Variants in ITSN2 observed in about 807,000 individuals in gnomAD.
The protein encoded by ITSN2 is intersectin 2.
A neutral mutation model predicts 243.7 loss-of-function variants in ITSN2; 156 were observed. That is an observed-to-expected ratio of 0.64 (90% CI 0.56 to 0.73). The LOEUF (loss-of-function observed/expected upper bound fraction) is 0.73, where lower values mean the gene tolerates loss of function less well. ITSN2 is among the 30% of genes least tolerant of loss of function. The probability of loss-of-function intolerance (pLI) is 0.00; values close to 1 mark genes in which losing one functional copy is unlikely to be tolerated. For missense variants in ITSN2, 1,801 were observed against 1,996.1 expected, an observed-to-expected ratio of 0.90 and a Z score of 1.86; for synonymous variants, 703 against 699.9, an observed-to-expected ratio of 1.00 and a Z score of -0.07.
Position 24,257,879 on chromosome 2 carries a change from G to A in ITSN2, c.2888+9C>T. The A allele has an allele frequency of 6.2e-7, 1 of 1,602,734 alleles. No homozygotes were observed. The highest frequency in any genetic ancestry group is 8.5e-7 in the Non-Finnish European group (1 of 1,169,806). On this transcript the variant is annotated intron_variant, in intron 23 of 39. Coordinates refer to ENST00000355123, the MANE Select transcript of ITSN2 (RefSeq NM_006277.3). ...TCCACATCTCATGAAAACACATAAA[G>A]ATGCTTACTCTTCCCGTTTTACTTC...
intron 2 of ITSN2, among the ~76,000 whole-genome samples, chr2:24,319,127 G>T (rs532219798): frequency 6.6e-6 from 1 of 152,314 alleles, no homozygotes; most frequent in Non-Finnish European, 1.5e-5. Context: ...TGCCAAAAAG[G>T]TTGGGGACCA....
intron 8 of ITSN2, among the ~76,000 whole-genome samples, chr2:24,306,537 A>G (rs1250023803): frequency 1.3e-5 from 2 of 152,180 alleles, no homozygotes; most frequent in Admixed American, 1.3e-4. Flanking sequence ...TCAGCAGTTC[A>G]TTTGGTTTTA....
Position 24,312,235 on chromosome 2 carries a change from G to A in ITSN2, c.329C>T (p.Ser110Phe). The A allele has an allele frequency of 6.2e-7, 1 of 1,610,180 alleles. No individual in the cohort carries two copies. Among genetic ancestry groups the A allele is most frequent in the Non-Finnish European group, 8.5e-7 (1 of 1,177,974 alleles). The change falls in exon 5 of 40, where the codon TCT becomes TTT. Residue 110 changes from serine to phenylalanine, a missense_variant. Transcript: ENST00000355123. The part of the protein sequence containing the change: ...PPIMKQPPMF[S>F]PLISARFGMG... ...ACCAAAACGAGCAGAAATTAATGGA[G>A]AAAACATAGGGGGTTGCTTCATAAT...
At chr2:24,330,729 A>AT (rs1292268752) in intron 1 of ITSN2, 1 of 593,342 alleles carries the variant, frequency 1.7e-6, no homozygotes, top group Non-Finnish European at 3.1e-6. Flanking sequence ...TTGAAATACT[A>AT]TTTTTTATCA....
intron 1 of ITSN2, chr2:24,334,826 G>C: frequency 1.1e-6 from 1 of 902,520 alleles, no homozygotes; most frequent in South Asian, 1.4e-5. Flanking sequence ...CACTTTGGGA[G>C]GCCGAGGCGG....
At chr2:24,333,086 A>C (rs1685967581) in intron 1 of ITSN2, among the ~76,000 whole-genome samples, 1 of 152,246 alleles carries the variant, frequency 6.6e-6, no homozygotes, top group African/African-American at 2.4e-5. Context: ...GAAACTGAAG[A>C]GGTTAAATTA....
intron 29 of ITSN2, among the ~76,000 whole-genome samples, chr2:24,236,302 T>C (rs549523713): frequency 6.6e-6 from 1 of 151,672 alleles, no homozygotes; most frequent in East Asian, 1.9e-4. Flanking sequence ...TAGACAAACA[T>C]GGAGACAAAA....
intron 19 of ITSN2, among the ~76,000 whole-genome samples, chr2:24,271,123 A>C (rs1002705359): frequency 6.6e-6 from 1 of 152,180 alleles, no homozygotes; most frequent in Non-Finnish European, 1.5e-5. Flanking sequence ...AGGTCTGAAT[A>C]TAACAGGGAA....
chr2:24,204,353 C>G lies in ITSN2; in HGVS notation c.4828G>C (p.Asp1610His). The change falls in exon 39 of 40, where the codon GAC (aspartate) becomes CAC (histidine). Residue 1610 changes from aspartate (D) to histidine (H), a missense_variant. Physicochemically the swap from Asp to His is moderately conservative, Grantham distance 81. This residue lies in a region of ITSN2 where 928 missense variants were observed against 1,065.4 expected (regional missense o/e 0.87). Transcript: ENST00000355123. The surrounding 1 kb of genome is among the most constrained non-coding windows in gnomAD (Gnocchi z 5.1). Reference protein sequence around the residue: ...SQSYTTRTIQDTLNPKWNFNC... With the variant: ...SQSYTTRTIQHTLNPKWNFNC... ...AAATTCCACTTGGGATTGAGTGTGT[C>G]CTGGATGGTCCTGGTGGTGTAGCTC... 6.2e-7 allele frequency: 1 copy of G among 1,614,160 alleles called. No homozygotes were observed. The highest frequency in any genetic ancestry group is 8.5e-7 in the Non-Finnish European group (1 of 1,180,012).
chr2:24,222,446 G>C (rs1392568026), intron 29 of ITSN2, among the ~76,000 whole-genome samples: 1 of 151,896 alleles, frequency 6.6e-6, no homozygotes, highest in Non-Finnish European at 1.5e-5. Flanking sequence ...ATGGTGACCT[G>C]ACACAAAAAA....
Position 24,295,704 on chromosome 2 carries a change from A to G in ITSN2, c.1595T>C (p.Leu532Ser). Residue 532 changes from leucine to serine, a missense_variant, in exon 14 of 40, where the codon TTG (leucine) becomes TCG (serine). Coordinates refer to ENST00000355123, the MANE Select transcript of ITSN2 (RefSeq NM_006277.3). ...AAGTTGCTTGATTTCCATAATTTCCAAGTCACACTGCTTATCCAGAACTTC... is the reference window on the plus strand; with the variant it reads ...AAGTTGCTTGATTTCCATAATTTCCGAGTCACACTGCTTATCCAGAACTTC... The part of the protein sequence containing the change: ...ELEVLDKQCD[L>S]EIMEIKQLQQ... The G allele has an allele frequency of 6.4e-7, 1 of 1,553,920 alleles. No homozygotes were observed. The highest frequency in any genetic ancestry group is 8.6e-7 in the Non-Finnish European group (1 of 1,159,426).
Position 24,210,042 on chromosome 2 carries a change from G to A in ITSN2, c.4258-9C>T, listed in dbSNP as rs182441667. ...GAGTTGAAAATAAGTTGCTTAAAGAGAAAGAAAATTTCACTTTTTAAATCC... is the reference window on the plus strand; with the variant it reads ...GAGTTGAAAATAAGTTGCTTAAAGAAAAAGAAAATTTCACTTTTTAAATCC... On this transcript the variant is annotated splice_polypyrimidine_tract_variant and intron_variant, in intron 34 of 39. Coordinates refer to ENST00000355123, the MANE Select transcript of ITSN2 (RefSeq NM_006277.3). The A allele has an allele frequency of 1.0e-4, 164 of 1,605,406 alleles. 1 individual carries two copies. The highest frequency in any genetic ancestry group is 6.9e-4 in the South Asian group (63 of 90,870).
chr2:24,293,825 A>T (rs762669772), intron 14 of ITSN2, 50 bp from the exon 15 acceptor site: 1 of 565,756 alleles, frequency 1.8e-6, no homozygotes, highest in African/African-American at 2.0e-5. Context: ...AATATTGTCC[A>T]AGAGTTTTTT....
intron 12 of ITSN2, among the ~76,000 whole-genome samples, chr2:24,299,632 C>T (rs552887650): frequency 6.6e-6 from 1 of 152,324 alleles, no homozygotes; most frequent in Non-Finnish European, 1.5e-5. Context: ...TAGCTCCTCA[C>T]TCAACTTAGC....
intron 1 of ITSN2, among the ~76,000 whole-genome samples, chr2:24,337,648 CTTTT>C (rs751387126): frequency 9.3e-5 from 11 of 117,714 alleles, no homozygotes; most frequent in African/African-American, 2.8e-4. Context: ...CCACGCCTGG[CTTTT>C]TTTTTTTTTT....
intron 1 of ITSN2, among the ~76,000 whole-genome samples, chr2:24,329,251 T>G (rs1470643602): frequency 1.5e-4 from 1 of 6,566 alleles, no homozygotes; most frequent in African/African-American, 4.7e-4. Flanking sequence ...TGTGGGTCTG[T>G]TTTTTTTTTT....
chr2:24,316,056 G>A (rs1261330286), intron 2 of ITSN2, among the ~76,000 whole-genome samples: 1 of 152,168 alleles, frequency 6.6e-6, no homozygotes, highest in African/African-American at 2.4e-5. Context: ...GCCACGTGAA[G>A]AGGAGGGATA....
chr2:24,217,118 G>A (rs1670039123), intron 31 of ITSN2, among the ~76,000 whole-genome samples: 2 of 149,556 alleles, frequency 1.3e-5, no homozygotes, highest in African/African-American at 2.5e-5. Flanking sequence ...GTGTGGTGGT[G>A]GGTGCCTGTT....
chr2:24,231,445 T>G (rs963064014), intron 29 of ITSN2, among the ~76,000 whole-genome samples: 1 of 152,134 alleles, frequency 6.6e-6, no homozygotes, highest in African/African-American at 2.4e-5. Flanking sequence ...TAGGTCCTTT[T>G]TGGTAGACAA....
Sources: gnomAD v4.1 joint callset for allele counts (sites outside exome capture counted in the v4.1 genomes callset) on GRCh38, gnomAD v4.1.1 for gene constraint, gnomAD v4.1.1 regional missense constraint, Gnocchi (gnomAD v3.1) non-coding constraint, MANE v1.5 for transcripts, NCBI Gene and HGNC (gene_info 2026-07-23, HGNC 2026-07-21) for gene names.